The following NFXL1 variants were observed in gnomAD, a reference collection of about 807,000 sequenced individuals.
NFXL1 encodes nuclear transcription factor, X-box binding like 1.
NFXL1 carries 66 observed loss-of-function variants against 123.3 expected under a neutral mutation model. The observed-to-expected ratio is 0.54, with a 90% CI of 0.44 to 0.66. The LOEUF is 0.66. Ranked by LOEUF, NFXL1 falls within the 30% of genes least tolerant of loss-of-function variation. NFXL1 has a pLI of 0.00. For missense variants in NFXL1, 944 were observed against 1,125.6 expected, an observed-to-expected ratio of 0.84 and a Z score of 2.31; for synonymous variants, 346 against 360.8, an observed-to-expected ratio of 0.96 and a Z score of 0.46.
In NFXL1 at chr4:47,847,420, G is replaced by A. The variant is rs1201684803; in HGVS notation, c.*743C>T. The A allele has an allele frequency of 1.3e-5, 2 of 152,094 alleles. No individual in the cohort carries two copies. Among genetic ancestry groups the A allele is most frequent in the Non-Finnish European group, 2.9e-5 (2 of 68,014 alleles). The allele number at this position is 152,094 out of a possible 1,614,324, so 9.4% of individuals were successfully genotyped here. Reference sequence around the variant, plus strand: ...TGTGGTAAGGAGAAACGAGATTAAGGTACATAGACCTCATAAGCCCTGTTG... The same window carrying A: ...TGTGGTAAGGAGAAACGAGATTAAGATACATAGACCTCATAAGCCCTGTTG... On this transcript the variant is annotated 3_prime_UTR_variant, in exon 23 of 23. Transcript: ENST00000507489.
chr4:47,882,687 T>A (rs1736186694), intron 15 of NFXL1, among the ~76,000 whole-genome samples: 1 of 151,368 alleles, frequency 6.6e-6, no homozygotes, highest in Non-Finnish European at 1.5e-5. Flanking sequence ...TCAGACTATA[T>A]AAGTGGAATT....
chr4:47,894,347 A>G (rs765773969), intron 10 of NFXL1, 45 bp from the exon 11 acceptor site: 4 of 1,458,768 alleles, frequency 2.7e-6, no homozygotes, highest in African/African-American at 2.9e-5. Context: ...TTTTGTTAAT[A>G]TTTTTTCCTC....
chr4:47,859,678 T>G (rs1481897206), intron 19 of NFXL1, among the ~76,000 whole-genome samples: 1 of 151,378 alleles, frequency 6.6e-6, no homozygotes, highest in African/African-American at 2.4e-5. Context: ...CCGTTTCTAC[T>G]AAAAATACAA....
intron 22 of NFXL1, 63 bp downstream of exon 22, chr4:47,851,032 G>A (rs1177992967): frequency 5.8e-6 from 7 of 1,213,868 alleles, no homozygotes; most frequent in South Asian, 4.8e-5. Flanking sequence ...AATATACCCC[G>A]TGTTTGCACA....
chr4:47,849,927 C>T (rs4695285), intron 22 of NFXL1, among the ~76,000 whole-genome samples: 12,647 of 151,202 alleles, frequency 0.084, 796 homozygotes, highest in East Asian at 0.32. Flanking sequence ...AGGTGTTACA[C>T]TGTATTTTAA....
chr4:47,904,651 A>C (rs377557630), intron 4 of NFXL1, among the ~76,000 whole-genome samples: 44 of 152,332 alleles, frequency 2.9e-4, no homozygotes, highest in African/African-American at 1.0e-3. Flanking sequence ...GAATTAATCT[A>C]AGGTCTAAAT....
intron 19 of NFXL1, among the ~76,000 whole-genome samples, chr4:47,860,607 T>A (rs1734710117): frequency 6.6e-6 from 1 of 152,200 alleles, no homozygotes; most frequent in Non-Finnish European, 1.5e-5. Context: ...CCTGTAACAA[T>A]CTACAGTATG....
rs999634836 is a variant in NFXL1 at position 47,875,243 on chromosome 4, T to A, written c.2130A>T (p.Pro710=). Residue 710 remains proline, a synonymous_variant, in exon 18 of 23, where the codon CCA becomes CCT. Transcript: ENST00000507489. The part of the protein sequence containing the change: ...HCEEGCSKSR[P]LGCLHPCILR... The stretch of plus-strand genomic sequence containing the variant: ...AAATACATGGGTGAAGACAACCTAG[T>A]GGCCGTGACTTGGAGCACCCTTCCT... 2 of 1,613,512 alleles carry A rather than the reference T, an allele frequency of 1.2e-6. No individual in the cohort carries two copies. The highest frequency in any genetic ancestry group is 1.7e-6 in the Non-Finnish European group (2 of 1,179,608).
chr4:47,894,008 T>C (rs1736930332), intron 11 of NFXL1, among the ~76,000 whole-genome samples, 172 bp downstream of exon 11: 2 of 152,008 alleles, frequency 1.3e-5, no homozygotes, highest in Admixed American at 6.6e-5. Flanking sequence ...CAATTCCCAC[T>C]AGTACAAAAA....
At position 47,885,406 on chromosome 4, in the gene NFXL1, T is replaced by G. The variant is rs868624149; in HGVS notation, c.1824+92A>C. On this transcript the variant is annotated intron_variant, in intron 14 of 22. Coordinates refer to ENST00000507489, the MANE Select transcript of NFXL1 (RefSeq NM_001278624.2). Reference sequence around the variant, plus strand: ...TCCAAGCACAGTGCTTCCCAATAAGTGCTTAATCATTGCTCATTGAAAAAC... The same window carrying G: ...TCCAAGCACAGTGCTTCCCAATAAGGGCTTAATCATTGCTCATTGAAAAAC... The G allele has an allele frequency of 2.4e-5, 25 of 1,039,326 alleles. No individual in the cohort carries two copies. In the Middle Eastern group the frequency reaches 4.6e-3, roughly 192 times the overall value. The allele number at this position is 1,039,326 out of a possible 1,614,324, so 64.4% of individuals were successfully genotyped here.
intron 20 of NFXL1, among the ~76,000 whole-genome samples, chr4:47,854,189 A>G (rs1427362044): frequency 6.6e-6 from 1 of 152,150 alleles, no homozygotes; most frequent in Admixed American, 6.6e-5. Context: ...TATGAACATA[A>G]ATGAAAGGCA....
At chr4:47,873,459 G>C (rs1735564707) in intron 18 of NFXL1, among the ~76,000 whole-genome samples, 1 of 152,170 alleles carries the variant, frequency 6.6e-6, no homozygotes, top group Non-Finnish European at 1.5e-5. Flanking sequence ...TGGATGTTGT[G>C]TTAGCAGGCA....
intron 22 of NFXL1, among the ~76,000 whole-genome samples, chr4:47,849,002 T>C (rs1294632977): frequency 2.0e-5 from 3 of 152,200 alleles, no homozygotes; most frequent in Admixed American, 2.0e-4. Flanking sequence ...CCAATTATTA[T>C]AGAACCAGCA....
chr4:47,910,955 G>A lies in NFXL1; in HGVS notation c.275C>T (p.Ala92Val). 1 of 1,606,400 alleles carries A rather than the reference G, an allele frequency of 6.2e-7. No individual in the cohort carries two copies. Among genetic ancestry groups the A allele is most frequent in the Non-Finnish European group, 8.5e-7 (1 of 1,177,200 alleles). Residue 92 changes from alanine to valine, a missense_variant, in exon 3 of 23, where the codon GCT becomes GTT. Physicochemically the swap from Ala to Val is moderately conservative, Grantham distance 64 (BLOSUM62 0). Around this residue, in one of 4 missense-constraint regions of NFXL1, gnomAD observed 303 missense variants for 292.1 expected, o/e 1.04. Transcript: ENST00000507489. ...SQKKFEEIKK[A>V]NQAAARKLVE... ...AAGTTTTCTGGCTGCAGCTTGGTTA[G>A]CTTTCTTGATTTCTTCAAATTTTTT...
At chr4:47,859,243 G>A (rs531782012) in intron 19 of NFXL1, among the ~76,000 whole-genome samples, 2 of 152,208 alleles carry the variant, frequency 1.3e-5, no homozygotes, top group Admixed American at 6.5e-5. Flanking sequence ...GCATCAAAAC[G>A]TTCCACTTTA....
intron 18 of NFXL1, among the ~76,000 whole-genome samples, chr4:47,868,314 G>A (rs1376451385): frequency 2.6e-4 from 38 of 146,510 alleles, no homozygotes; most frequent in African/African-American, 8.3e-4. Context: ...GCGAGACTCC[G>A]TCTCAAAAAA....
chr4:47,907,698 A>G (rs1189806219), intron 3 of NFXL1, among the ~76,000 whole-genome samples: 3 of 152,254 alleles, frequency 2.0e-5, no homozygotes, highest in Non-Finnish European at 2.9e-5. Context: ...AAAAATTACC[A>G]TAACACTTTT....
Position 47,884,438 on chromosome 4 carries a change from C to G in NFXL1, c.1825-1G>C. On this transcript the variant is annotated splice_acceptor_variant, in intron 14 of 22. Transcript: ENST00000507489. LOFTEE classifies it high-confidence loss of function. Reference sequence around the variant, plus strand: ...GTTCCCAAGGGCCTGTAGGCTGGTGCTACAAATAAAATACATAAGAATTTT... The same window carrying G: ...GTTCCCAAGGGCCTGTAGGCTGGTGGTACAAATAAAATACATAAGAATTTT... 1 of 1,586,202 alleles carries G rather than the reference C, an allele frequency of 6.3e-7. No individual in the cohort carries two copies. The highest frequency in any genetic ancestry group is 8.6e-7 in the Non-Finnish European group (1 of 1,160,730).
intron 3 of NFXL1, among the ~76,000 whole-genome samples, chr4:47,909,392 A>T (rs868618936): frequency 3.9e-5 from 6 of 152,150 alleles, no homozygotes; most frequent in South Asian, 2.1e-4. Context: ...CAGCCCAGTA[A>T]TGGCTCTAAA....
Sources: allele counts gnomAD v4.1 joint callset (sites outside exome capture counted in the v4.1 genomes callset), GRCh38; gene constraint gnomAD v4.1.1; regional missense constraint gnomAD v4.1.1; transcripts MANE v1.5; gene names NCBI Gene and HGNC (gene_info 2026-07-23, HGNC 2026-07-21).